RGS17: variants seen among roughly 807,000 people sequenced by gnomAD.
RGS17 encodes regulator of G-protein signaling 17.
A neutral mutation model predicts 25.5 loss-of-function variants in RGS17; 12 were observed. The observed-to-expected ratio is 0.47, with a 90% CI of 0.30 to 0.76. RGS17 has a LOEUF of 0.76. Among genes scored for constraint, RGS17 ranks in the 30% least tolerant of loss-of-function variants. The pLI, the probability that RGS17 is intolerant of heterozygous loss-of-function variation, is 0.07. For missense variants in RGS17, 196 were observed against 242.2 expected (o/e 0.81, Z 1.27); for synonymous variants, 71 against 76.9 (o/e 0.92, Z 0.40).
chr6:153,031,031 C>T (rs1371158758), intron 2 of RGS17, among the ~76,000 whole-genome samples: 1 of 152,120 alleles, frequency 6.6e-6, no homozygotes, highest in Non-Finnish European at 1.5e-5. Flanking sequence ...AAAAGGGGAT[C>T]TCATTCAGAG....
intron 1 of RGS17, among the ~76,000 whole-genome samples, chr6:153,123,429 A>G (rs184655238): frequency 3.3e-4 from 51 of 152,258 alleles, no homozygotes; most frequent in African/African-American, 1.2e-3. Flanking sequence ...TCATTTCCAT[A>G]CTTAGATATA....
At chr6:153,026,410 C>T (rs964994351) in intron 3 of RGS17, 44 bp downstream of exon 3, 3 of 1,395,218 alleles carry the variant, frequency 2.2e-6, no homozygotes, top group Admixed American at 1.7e-5. Context: ...ATGTAAATGG[C>T]ATATAAATGC....
At chr6:153,038,166 C>A (rs2129109312) in intron 2 of RGS17, among the ~76,000 whole-genome samples, 1 of 152,300 alleles carries the variant, frequency 6.6e-6, no homozygotes, top group Middle Eastern at 3.4e-3. Flanking sequence ...GGTCAGCAGA[C>A]CTCACCGTGC....
chr6:153,128,024 A>G (rs1426105590), intron 1 of RGS17, among the ~76,000 whole-genome samples: 1 of 152,154 alleles, frequency 6.6e-6, no homozygotes, highest in Non-Finnish European at 1.5e-5. Context: ...TTTTTTTCAG[A>G]GATAAGTGTG....
chr6:153,048,194 C>T (rs1039113979), intron 1 of RGS17, among the ~76,000 whole-genome samples: 1 of 152,130 alleles, frequency 6.6e-6, no homozygotes, highest in African/African-American at 2.4e-5. Context: ...TATCTTTTCC[C>T]AAAAACATGT....
intron 2 of RGS17, among the ~76,000 whole-genome samples, chr6:153,037,210 A>C (rs1776259689): frequency 6.6e-6 from 1 of 151,488 alleles, no homozygotes; most frequent in Admixed American, 6.6e-5. Context: ...AGACACACAC[A>C]CACACACACA....
chr6:153,104,486 G>C (rs1777350390), intron 1 of RGS17, among the ~76,000 whole-genome samples: 1 of 152,190 alleles, frequency 6.6e-6, no homozygotes, highest in Non-Finnish European at 1.5e-5. Flanking sequence ...TCCCAGATCT[G>C]AAATTAGAAC....
intron 1 of RGS17, among the ~76,000 whole-genome samples, chr6:153,067,555 TACA>T (rs1053461124): frequency 6.6e-6 from 1 of 152,048 alleles, no homozygotes; most frequent in Non-Finnish European, 1.5e-5. Context: ...GTAATCCCAT[TACA>T]ACAACCACAA....
intron 2 of RGS17, among the ~76,000 whole-genome samples, chr6:153,033,000 C>A (rs993061963): frequency 1.3e-5 from 2 of 152,122 alleles, no homozygotes; most frequent in South Asian, 4.1e-4. Context: ...TTTAAAAGAG[C>A]CATCCTGAGA....
At chr6:153,092,308 C>A (rs1191677530) in intron 1 of RGS17, among the ~76,000 whole-genome samples, 1 of 152,096 alleles carries the variant, frequency 6.6e-6, no homozygotes, top group Non-Finnish European at 1.5e-5. Flanking sequence ...TTTAACTATA[C>A]GATTTTGAAG....
At chr6:153,112,606 C>A (rs1321451155) in intron 1 of RGS17, among the ~76,000 whole-genome samples, 1 of 152,002 alleles carries the variant, frequency 6.6e-6, no homozygotes, top group Non-Finnish European at 1.5e-5. Flanking sequence ...AGAGCAACCC[C>A]AAGACACCTA....
chr6:153,054,112 ATGTGTATATATATATATATACAGCTT>A (rs1776519094), intron 1 of RGS17, among the ~76,000 whole-genome samples: 1 of 68,518 alleles, frequency 1.5e-5, no homozygotes, highest in Non-Finnish European at 2.6e-5. Flanking sequence ...ATATATATAT[ATGTGTATATATATATATATACAGCTT>A]TATACCAGGC....
intron 2 of RGS17, among the ~76,000 whole-genome samples, chr6:153,042,265 T>C (rs913490324): frequency 6.6e-6 from 1 of 152,210 alleles, no homozygotes; most frequent in African/African-American, 2.4e-5. Flanking sequence ...ATTATGTATA[T>C]GATATGGTTT....
chr6:153,063,312 GA>G (rs1776664086), intron 1 of RGS17, among the ~76,000 whole-genome samples: 1 of 152,086 alleles, frequency 6.6e-6, no homozygotes, highest in Non-Finnish European at 1.5e-5. Context: ...CAGTTTTGAG[GA>G]AACCCAAAGA....
rs1447442622 is a variant in RGS17 at position 153,130,483 on chromosome 6, T to C, written c.-26+641A>G. Among the ~76,000 whole-genome samples the C allele has an allele frequency of 2.1e-5, 3 of 146,108 alleles. No homozygotes were observed. The highest frequency in any genetic ancestry group is 6.8e-5 in the Admixed American group (1 of 14,746). On this transcript the variant is annotated intron_variant, in intron 1 of 4. Transcript: ENST00000206262. The surrounding 1 kb of genome is among the most constrained non-coding windows in gnomAD (Gnocchi z 6.4). ...CCCACCCCCTATACATACATACACA[T>C]ACACACACACACACACACACACACA...
At chr6:153,050,329 A>G (rs1776445076) in intron 1 of RGS17, among the ~76,000 whole-genome samples, 1 of 152,168 alleles carries the variant, frequency 6.6e-6, no homozygotes, top group Non-Finnish European at 1.5e-5. Flanking sequence ...AAACAAGAAA[A>G]ATAGAGAATC....
At position 153,010,443 on chromosome 6, in the gene RGS17, C is replaced by T. The variant is rs1388675268; in HGVS notation, c.*1131G>A. 2 of 152,136 alleles carry T rather than the reference C, an allele frequency of 1.3e-5. No homozygotes were observed. Among genetic ancestry groups the T allele is most frequent in the Admixed American group, 1.3e-4 (2 of 15,290 alleles). The allele number at this position is 152,136 out of a possible 1,614,324, so 9.4% of individuals were successfully genotyped here. On this transcript the variant is annotated 3_prime_UTR_variant, in exon 5 of 5. Transcript: ENST00000206262. ...TTTGGTTTAAACATCTTTAAAATGT[C>T]ATCCTTAAGATATTATGTGAAAACA...
At chr6:153,101,533 C>T (rs1000727528) in intron 1 of RGS17, among the ~76,000 whole-genome samples, 9 of 152,184 alleles carry the variant, frequency 5.9e-5, no homozygotes, top group Non-Finnish European at 1.0e-4. Context: ...TAAAATGGAA[C>T]TGGAGACTGG....
chr6:153,088,327 T>TG (rs1363289603), intron 1 of RGS17, among the ~76,000 whole-genome samples: 1 of 152,184 alleles, frequency 6.6e-6, no homozygotes, highest in African/African-American at 2.4e-5. Flanking sequence ...TCCTAAATTT[T>TG]GGGGCAATTT....
Sources: gnomAD v4.1 joint callset for allele counts (sites outside exome capture counted in the v4.1 genomes callset) on GRCh38, gnomAD v4.1.1 for gene constraint, Gnocchi (gnomAD v3.1) non-coding constraint, MANE v1.5 for transcripts, NCBI Gene and HGNC (gene_info 2026-07-23, HGNC 2026-07-21) for gene names.